CRISP1: variants seen among roughly 807,000 people sequenced by gnomAD.
CRISP1 encodes the protein cysteine rich secretory protein 1, also known as cysteine-rich secretory protein 1.
A neutral mutation model predicts 33.1 loss-of-function variants in CRISP1; 44 were observed. The observed-to-expected ratio is 1.33, with a 90% CI of 1.05 to 1.71. The LOEUF (loss-of-function observed/expected upper bound fraction) is 1.71. Ranked by LOEUF, CRISP1 falls within the 40% of genes most tolerant of loss-of-function variation. The pLI, the probability that CRISP1 is intolerant of heterozygous loss-of-function variation, is 0.00. For missense variants in CRISP1, 390 were observed against 301.2 expected (o/e 1.29, Z -2.18); for synonymous variants, 103 against 98.7 (o/e 1.04, Z -0.26).
chr6:49,875,739 A>G (rs1279644709), intron 1 of CRISP1, among the ~76,000 whole-genome samples: 8 of 152,200 alleles, frequency 5.3e-5, no homozygotes. Context: ...CTCAGAAATA[A>G]GACCACATAC....
Position 49,835,444 on chromosome 6 carries a change from C to A in CRISP1, c.623-1G>T. ...TCATCATAGTAGATGCAGGGGTTAGCTGAAAGAAAATAGTATGGTTTTACA... is the reference window on the plus strand; with the variant it reads ...TCATCATAGTAGATGCAGGGGTTAGATGAAAGAAAATAGTATGGTTTTACA... On this transcript the variant is annotated splice_acceptor_variant, in intron 7 of 7. Coordinates refer to ENST00000335847, the MANE Select transcript of CRISP1 (RefSeq NM_001131.3). LOFTEE classifies it high-confidence loss of function. 1 of 1,612,228 alleles carries A rather than the reference C, an allele frequency of 6.2e-7. No individual in the cohort carries two copies. Among genetic ancestry groups the A allele is most frequent in the Non-Finnish European group, 8.5e-7 (1 of 1,179,116 alleles).
chr6:49,835,151 A>T lies in CRISP1; in HGVS notation c.*165T>A. The T allele has an allele frequency of 1.6e-6, 1 of 633,880 alleles. No individual in the cohort carries two copies. The highest frequency in any genetic ancestry group is 2.6e-6 in the Non-Finnish European group (1 of 389,950). 39.3% of individuals were successfully genotyped at this position (633,880 alleles called of 1,614,324 possible). A position where few individuals can be genotyped will look rare whatever the true frequency, so the allele number is the denominator to read the frequency against. On this transcript the variant is annotated 3_prime_UTR_variant, in exon 8 of 8. Coordinates refer to ENST00000335847, the MANE Select transcript of CRISP1 (RefSeq NM_001131.3). ...TTTTACTCCAGCACTAAGAAAGTTT[A>T]AAACAGTGTTACTTCAGGATGTATC...
upstream of CRISP1, among the ~76,000 whole-genome samples, chr6:49,867,351 C>T (rs1421472992): frequency 6.6e-6 from 1 of 151,928 alleles, no homozygotes; most frequent in Admixed American, 6.6e-5. Context: ...TGCATGGTCG[C>T]TTATATTGAA....
chr6:49,842,357 TTC>T (rs2127470320), intron 5 of CRISP1, among the ~76,000 whole-genome samples: 1 of 152,306 alleles, frequency 6.6e-6, no homozygotes, highest in African/African-American at 2.4e-5. Context: ...TTTTGCTATG[TTC>T]TCTCTCTATA....
chr6:49,851,962 A>G (rs1471500292), intron 3 of CRISP1, 39 bp downstream of exon 3: 5 of 1,588,088 alleles, frequency 3.1e-6, no homozygotes, highest in African/African-American at 1.4e-5. Context: ...CACCATTACT[A>G]TTATTGCAAT....
intron 1 of CRISP1, among the ~76,000 whole-genome samples, chr6:49,864,166 C>T (rs191768262): frequency 1.1e-3 from 160 of 152,114 alleles, no homozygotes; most frequent in African/African-American, 3.7e-3. Context: ...TAACCTTTTT[C>T]ACTACTCATT....
At chr6:49,877,051 A>G (rs1772052161) in exon 1 of CRISP1, 1 of 151,954 alleles carries the variant, frequency 6.6e-6, no homozygotes, top group Admixed American at 6.6e-5. Flanking sequence ...TTGAAGAATA[A>G]AAGAATTATC....
chr6:49,874,882 A>G (rs928716027), intron 1 of CRISP1, among the ~76,000 whole-genome samples: 9 of 152,102 alleles, frequency 5.9e-5, no homozygotes, highest in Non-Finnish European at 1.0e-4. Flanking sequence ...AAAACTCTCA[A>G]TAAACTAGGT....
In CRISP1 at chr6:49,843,676, G is replaced by A. The variant is rs568000840; in HGVS notation, c.436-2681C>T. ...AGATTTTGGTATCAAGAACTGAGATGCTGCTTCAACAAATACCTAAAAATG... is the reference window on the plus strand; with the variant it reads ...AGATTTTGGTATCAAGAACTGAGATACTGCTTCAACAAATACCTAAAAATG... On this transcript the variant is annotated intron_variant, in intron 5 of 7. Coordinates refer to ENST00000335847, the MANE Select transcript of CRISP1 (RefSeq NM_001131.3). Among the ~76,000 whole-genome samples, 32 of 152,280 alleles carry A rather than the reference G, an allele frequency of 2.1e-4. No individual in the cohort carries two copies. In the South Asian group the frequency reaches 2.3e-3, roughly 11 times the overall value.
chr6:49,862,525 G>A (rs2127477352), intron 1 of CRISP1, among the ~76,000 whole-genome samples: 1 of 152,034 alleles, frequency 6.6e-6, no homozygotes, highest in Non-Finnish European at 1.5e-5. Flanking sequence ...CTAAATCTAG[G>A]TAAATTAATC....
rs1770751033 is a variant in CRISP1 at position 49,835,346 on chromosome 6, G to A, written c.720C>T (p.Ala240=). ...TTATCTCAGTGTCACACAGACAAGT[G>A]GCTTTACAGAATAGGATAGTTGTTG... ...NHSTTILFCK[A]TCLCDTEIK Residue 240 remains alanine (A), a synonymous_variant, in exon 8 of 8, where the codon GCC becomes GCT. Transcript: ENST00000335847. 1.2e-6 allele frequency: 2 copies of A among 1,613,730 alleles called. No individual in the cohort carries two copies. Among genetic ancestry groups the A allele is most frequent in the Non-Finnish European group, 1.7e-6 (2 of 1,179,786 alleles).
chr6:49,856,200 A>G (rs540021992), intron 2 of CRISP1, among the ~76,000 whole-genome samples: 1 of 152,220 alleles, frequency 6.6e-6, no homozygotes, highest in Admixed American at 6.5e-5. Context: ...TCACATGACA[A>G]TCTGGGCCAG....
chr6:49,857,323 A>T lies in CRISP1; in HGVS notation c.66+12T>A, dbSNP rs764278973. ...TTAGAAAGTAATTATGAAACATCCA[A>T]CCCTCACATACTTTCATGGACAACA... On this transcript the variant is annotated intron_variant, in intron 2 of 7. Transcript: ENST00000335847. 1 of 1,611,394 alleles carries T rather than the reference A, an allele frequency of 6.2e-7. No individual in the cohort carries two copies. The highest frequency in any genetic ancestry group is 2.2e-5 in the East Asian group (1 of 44,714).
chr6:49,870,103 G>T (rs547450367), upstream of CRISP1, among the ~76,000 whole-genome samples: 1 of 152,250 alleles, frequency 6.6e-6, no homozygotes, highest in South Asian at 2.1e-4. Context: ...TATTATCACA[G>T]GCCAAACAGA....
At chr6:49,844,618 A>AGGCTGCCTCACTGAGCTAAAGGGAAG (rs1771099413) in intron 5 of CRISP1, among the ~76,000 whole-genome samples, 1 of 126,472 alleles carries the variant, frequency 7.9e-6, no homozygotes, top group African/African-American at 2.6e-5. Context: ...CTAAAGGGAA[A>AGGCTGCCTCACTGAGCTAAAGGGAAG]AGGCTGCCCA....
At chr6:49,861,755 C>T (rs552193580) in intron 1 of CRISP1, among the ~76,000 whole-genome samples, 7 of 151,912 alleles carry the variant, frequency 4.6e-5, no homozygotes, top group East Asian at 1.9e-4. Context: ...CATGGTGGCA[C>T]GCACCTATAG....
In CRISP1 at chr6:49,837,260, G is replaced by A. The variant is rs184531653; in HGVS notation, c.622+1177C>T. ...TCAAACACTTACAGGTGAAGAAAGG[G>A]CTTATGATATACATCATCTATGTGA... On this transcript the variant is annotated intron_variant, in intron 7 of 7. Transcript: ENST00000335847. Among the ~76,000 whole-genome samples the A allele has an allele frequency of 2.0e-5, 3 of 152,188 alleles. No individual in the cohort carries two copies. In the East Asian group the frequency reaches 5.8e-4, roughly 29 times the overall value.
At chr6:49,876,420 G>A (rs901333174) in intron 1 of CRISP1, among the ~76,000 whole-genome samples, 5 of 151,910 alleles carry the variant, frequency 3.3e-5, no homozygotes, top group African/African-American at 1.2e-4. Context: ...AAAAAGGAAT[G>A]CTTTTACACT....
chr6:49,846,614 C>G lies in CRISP1; in HGVS notation c.341G>C (p.Ser114Thr). Residue 114 changes from serine (S) to threonine (T), a missense_variant, in exon 5 of 8, where the codon AGT (serine) becomes ACT (threonine). Transcript: ENST00000335847. ...HMTSYPVSWS[S>T]VIGVWYSEST... is the part of the protein sequence containing the mutation. ...CTCACTGTACCAGACTCCAATTACA[C>G]TTGACCATGATACAGGATAAGATGT... 1 of 1,613,588 alleles carries G rather than the reference C, an allele frequency of 6.2e-7. No individual in the cohort carries two copies. The highest frequency in any genetic ancestry group is 1.7e-4 in the Middle Eastern group (1 of 6,056).
Sources: gnomAD v4.1 joint callset for allele counts (sites outside exome capture counted in the v4.1 genomes callset) on GRCh38, gnomAD v4.1.1 for gene constraint, MANE v1.5 for transcripts, NCBI Gene and HGNC (gene_info 2026-07-23, HGNC 2026-07-21) for gene names.